The following CYTIP variants were observed in gnomAD, a reference collection of about 807,000 sequenced individuals.
The protein encoded by CYTIP is cytohesin 1 interacting protein.
CYTIP carries 26 observed loss-of-function variants against 43.8 expected under a neutral mutation model. The observed-to-expected ratio is 0.59, with a 90% CI of 0.44 to 0.82. CYTIP has a LOEUF of 0.82. Among genes scored for constraint, CYTIP ranks in the 40% least tolerant of loss-of-function variants. The pLI is 0.00. For synonymous variants in CYTIP, 162 were observed against 162.9 expected (o/e 0.99, Z 0.04); for missense variants, 426 against 443.1 (o/e 0.96, Z 0.35).
At chr2:157,441,561 TGTGTGTGCCTGTGTGCATATGTGTAC>T (rs1481870020) in intron 1 of CYTIP, among the ~76,000 whole-genome samples, 1 of 150,682 alleles carries the variant, frequency 6.6e-6, no homozygotes, top group African/African-American at 2.5e-5. Flanking sequence ...TATGGGGATG[TGTGTGTGCCTGTGTGCATATGTGTAC>T]ATGTATATAT....
chr2:157,424,491 C>T (rs1206815403), intron 6 of CYTIP, among the ~76,000 whole-genome samples: 1 of 151,828 alleles, frequency 6.6e-6, no homozygotes, highest in African/African-American at 2.4e-5. Flanking sequence ...AAACAGAATA[C>T]CATATGATGT....
chr2:157,434,675 A>G (rs1439311236), intron 2 of CYTIP, 23 bp downstream of exon 2: 2 of 1,578,224 alleles, frequency 1.3e-6, no homozygotes, highest in Non-Finnish European at 1.7e-6. Flanking sequence ...TGGGAGAGAC[A>G]AAAAATAATT....
chr2:157,417,033 G>A (rs866305639), intron 7 of CYTIP, among the ~76,000 whole-genome samples: 21 of 151,864 alleles, frequency 1.4e-4, no homozygotes, highest in African/African-American at 4.3e-4. Flanking sequence ...TTGGAAAAAC[G>A]TAATCAGTAA....
intron 3 of CYTIP, among the ~76,000 whole-genome samples, chr2:157,432,802 T>C (rs1328793173): frequency 6.6e-6 from 1 of 152,220 alleles, no homozygotes; most frequent in African/African-American, 2.4e-5. Flanking sequence ...GCATGTCTCC[T>C]ATTTGTTAAC....
intron 6 of CYTIP, among the ~76,000 whole-genome samples, chr2:157,422,811 C>T (rs1685543154): frequency 6.6e-6 from 1 of 151,362 alleles, no homozygotes; most frequent in African/African-American, 2.4e-5. Context: ...AACAGATAGA[C>T]ATGAAAAAGA....
At chr2:157,417,287 T>G (rs1685452967) in intron 7 of CYTIP, among the ~76,000 whole-genome samples, 1 of 152,196 alleles carries the variant, frequency 6.6e-6, no homozygotes, top group Non-Finnish European at 1.5e-5. Flanking sequence ...TTCTTTTGAT[T>G]GGAGAGCAAT....
chr2:157,426,619 A>G (rs1381918946), intron 6 of CYTIP, among the ~76,000 whole-genome samples: 1 of 152,206 alleles, frequency 6.6e-6, no homozygotes. Flanking sequence ...CTCTGCTCAG[A>G]TTGGCTACCT....
rs773219970 is a variant in CYTIP, at chr2:157,443,908, T to C, written c.113A>G (p.Asp38Gly). Residue 38 changes from aspartate to glycine, a missense_variant, in exon 1 of 8, where the codon GAT (aspartate) becomes GGT (glycine). Asp to Gly is a moderately conservative substitution (Grantham distance 94). Transcript: ENST00000264192. ...STLTGSLTMDDNRRIQMLADT... is the reference protein window; with the variant it reads ...STLTGSLTMDGNRRIQMLADT... ...TGCTAGCATTTGAATCCTTCTATTA[T>C]CGTCCATCGTAAGGCTGCCGGTGAG... The C allele has an allele frequency of 5.0e-6, 8 of 1,614,056 alleles. No individual in the cohort carries two copies. The highest frequency in any genetic ancestry group is 5.1e-6 in the Non-Finnish European group (6 of 1,180,008).
chr2:157,442,528 T>A (rs1685933728), intron 1 of CYTIP, among the ~76,000 whole-genome samples: 1 of 151,648 alleles, frequency 6.6e-6, no homozygotes, highest in Non-Finnish European at 1.5e-5. Context: ...GGTGTGATAG[T>A]GTCATGGCAA....
intron 1 of CYTIP, among the ~76,000 whole-genome samples, chr2:157,438,191 C>T (rs1573862861): frequency 6.6e-6 from 1 of 152,044 alleles, no homozygotes; most frequent in African/African-American, 2.4e-5. Flanking sequence ...TACAATTCAG[C>T]CATAAAAAAG....
chr2:157,441,589 T>C (rs909138667), intron 1 of CYTIP, among the ~76,000 whole-genome samples: 2 of 106,860 alleles, frequency 1.9e-5, no homozygotes, highest in African/African-American at 3.8e-5. Context: ...TATGTGTACA[T>C]GTATATATGC....
chr2:157,421,214 A>G (rs1002827549), intron 6 of CYTIP, among the ~76,000 whole-genome samples: 3 of 152,236 alleles, frequency 2.0e-5, no homozygotes, highest in Non-Finnish European at 4.4e-5. Flanking sequence ...CTAAAGCACA[A>G]GTGAGATCTA....
chr2:157,422,670 C>CAAAAAAAAAAAA (rs967207257), intron 6 of CYTIP, among the ~76,000 whole-genome samples: 1 of 64,548 alleles, frequency 1.5e-5, no homozygotes. Flanking sequence ...AACTCTGTCT[C>CAAAAAAAAAAAA]AAAAAAAAAA....
intron 5 of CYTIP, among the ~76,000 whole-genome samples, chr2:157,428,334 G>A (rs1685646246): frequency 6.6e-6 from 1 of 152,314 alleles, no homozygotes; most frequent in Middle Eastern, 3.4e-3. Context: ...CATGGTAAAA[G>A]CATTAAATGT....
chr2:157,430,022 C>CAAAAAAAAA (rs768455650), intron 5 of CYTIP, among the ~76,000 whole-genome samples: 2 of 52,694 alleles, frequency 3.8e-5, no homozygotes, highest in African/African-American at 6.8e-5. Context: ...GACTCCGTCT[C>CAAAAAAAAA]AAAAAAAAAA....
intron 1 of CYTIP, among the ~76,000 whole-genome samples, chr2:157,442,213 A>C (rs1363732948): frequency 6.6e-6 from 1 of 152,176 alleles, no homozygotes; most frequent in African/African-American, 2.4e-5. Context: ...GAGAGTATTC[A>C]TGTTGTTTTA....
At chr2:157,442,041 C>T (rs1243957689) in intron 1 of CYTIP, among the ~76,000 whole-genome samples, 4 of 152,180 alleles carry the variant, frequency 2.6e-5, no homozygotes, top group Non-Finnish European at 4.4e-5. Context: ...TCCTGACACA[C>T]TTAATATTGT....
In CYTIP at chr2:157,434,759, A is replaced by G; in HGVS notation, c.175-12T>C. 1 of 1,609,250 alleles carries G rather than the reference A, an allele frequency of 6.2e-7. No individual in the cohort carries two copies. Among genetic ancestry groups the G allele is most frequent in the Non-Finnish European group, 8.5e-7 (1 of 1,176,844 alleles). On this transcript the variant is annotated splice_polypyrimidine_tract_variant and intron_variant, in intron 1 of 7. Coordinates refer to ENST00000264192, the MANE Select transcript of CYTIP (RefSeq NM_004288.5). ...CTGGTCAAAGCAAGCTGAAAAACAC[A>G]AAAGACATATAGTTATCCCAGGGTC...
intron 1 of CYTIP, among the ~76,000 whole-genome samples, chr2:157,435,432 C>A (rs544589704): frequency 1.3e-5 from 2 of 152,172 alleles, no homozygotes; most frequent in African/African-American, 4.8e-5. Context: ...AAATTTCCAG[C>A]CAAGAAAGGA....
Sources: gnomAD v4.1 joint callset for allele counts (sites outside exome capture counted in the v4.1 genomes callset) on GRCh38, gnomAD v4.1.1 for gene constraint, MANE v1.5 for transcripts, NCBI Gene and HGNC (gene_info 2026-07-23, HGNC 2026-07-21) for gene names.